Variants in THOC1 observed in about 807,000 individuals in gnomAD.
THOC1 encodes the protein THO complex subunit 1.
In THOC1, 29 loss-of-function variants were observed where a neutral mutation model predicts 97.3. That is an observed-to-expected ratio of 0.30 (90% CI 0.22 to 0.41). The LOEUF (loss-of-function observed/expected upper bound fraction) is 0.41. Ranked by LOEUF, THOC1 falls within the 10% of genes least tolerant of loss-of-function variation. The pLI, the probability that THOC1 is intolerant of heterozygous loss-of-function variation, is 1.00. For missense variants in THOC1, 529 were observed against 761.9 expected (o/e 0.69, Z 3.60); for synonymous variants, 255 against 257.0 (o/e 0.99, Z 0.07).
intron 17 of THOC1, among the ~76,000 whole-genome samples, chr18:219,868 G>T (rs764028069): frequency 5.3e-5 from 8 of 151,958 alleles, no homozygotes; most frequent in Non-Finnish European, 1.2e-4. Context: ...CGATTTCAAG[G>T]GTTTAACCTT....
At position 216,653 on chromosome 18, in the gene THOC1, G is replaced by T; in HGVS notation, c.1455-20C>A. 6.2e-7 allele frequency: 1 copy of T among 1,604,038 alleles called. No homozygotes were observed. The highest frequency in any genetic ancestry group is 8.5e-7 in the Non-Finnish European group (1 of 1,175,168). On this transcript the variant is annotated intron_variant, in intron 18 of 20. Coordinates refer to ENST00000261600, the MANE Select transcript of THOC1 (RefSeq NM_005131.3). ...ACAGCCCTATAAAAAGAGGTGTCAGGCTTGTAATTTATAGCTTTGTATTTC... is the reference window on the plus strand; with the variant it reads ...ACAGCCCTATAAAAAGAGGTGTCAGTCTTGTAATTTATAGCTTTGTATTTC...
chr18:265,506 T>A lies in THOC1; in HGVS notation c.79A>T (p.Asn27Tyr), dbSNP rs1268872517. The change falls in exon 2 of 21, where the codon AAC becomes TAC. Residue 27 changes from asparagine (N) to tyrosine (Y), a missense_variant. Asn to Tyr is a moderately radical substitution (Grantham distance 143, BLOSUM62 -2). This residue lies in a region of THOC1 where 114 missense variants were observed against 97.4 expected (regional missense o/e 1.17). Transcript: ENST00000261600. ...CTTAACAATGGCTTGATGTTTTTGTTGTTCAAGGCCTCTCTGGTAGACTTC... is the reference window on the plus strand; with the variant it reads ...CTTAACAATGGCTTGATGTTTTTGTAGTTCAAGGCCTCTCTGGTAGACTTC... ...FTKSTREALN[N>Y]KNIKPLLSTF... 6.3e-7 allele frequency: 1 copy of A among 1,594,370 alleles called. No homozygotes were observed. Among genetic ancestry groups the A allele is most frequent in the Non-Finnish European group, 8.5e-7 (1 of 1,170,210 alleles).
At position 214,589 on chromosome 18, in the gene THOC1, TC is replaced by T. The variant is rs1187312705; in HGVS notation, c.*36del. The stretch of plus-strand genomic sequence containing the variant: ...TATCAAATGCTGCTTGGTAACAAAA[TC>T]TATCACAGTTTTAATAAAAAGAAAA... On this transcript the variant is annotated 3_prime_UTR_variant, in exon 21 of 21. Coordinates refer to ENST00000261600, the MANE Select transcript of THOC1 (RefSeq NM_005131.3). The T allele has an allele frequency of 1.3e-6, 2 of 1,539,030 alleles. No individual in the cohort carries two copies. Among genetic ancestry groups the T allele is most frequent in the Admixed American group, 1.9e-5 (1 of 52,256 alleles).
chr18:246,599 T>C (rs1314658845), intron 10 of THOC1, 144 bp from the exon 11 acceptor site: 4 of 639,446 alleles, frequency 6.3e-6, no homozygotes, highest in Middle Eastern at 2.6e-4. Flanking sequence ...ATACAAATTA[T>C]GATAGCAGAA....
chr18:265,384 C>A (rs752169171), intron 2 of THOC1, 21 bp from the exon 3 acceptor site: 4 of 1,599,058 alleles, frequency 2.5e-6, no homozygotes, highest in African/African-American at 2.7e-5. Context: ...CAAAAGACAT[C>A]CTCATTTTTC....
chr18:223,541 TG>T, intron 16 of THOC1, 36 bp from the exon 17 acceptor site: 3 of 1,493,850 alleles, frequency 2.0e-6, no homozygotes, highest in Non-Finnish European at 1.8e-6. Flanking sequence ...ACATTTTTTA[TG>T]GACACCATCC....
chr18:239,891 C>T (rs1355987232), intron 11 of THOC1, among the ~76,000 whole-genome samples: 1 of 152,054 alleles, frequency 6.6e-6, no homozygotes, highest in African/African-American at 2.4e-5. Context: ...CCATTTATAA[C>T]CAGGTAATAA....
Position 214,623 on chromosome 18 carries a change from A to C in THOC1, c.*3T>G. ...GTTTTAATAAAAAGAAAAAAAAAAG[A>C]AGCTAACTATTTGTCTCATTGTCAT... On this transcript the variant is annotated 3_prime_UTR_variant, in exon 21 of 21. Coordinates refer to ENST00000261600, the MANE Select transcript of THOC1 (RefSeq NM_005131.3). 1.9e-6 allele frequency: 3 copies of C among 1,585,878 alleles called. No individual in the cohort carries two copies. The highest frequency in any genetic ancestry group is 2.2e-5 in the East Asian group (1 of 44,598).
rs1169819199 is a variant in THOC1 at position 214,601 on chromosome 18, T to C, written c.*25A>G. 1.9e-6 allele frequency: 3 copies of C among 1,575,306 alleles called. No homozygotes were observed. The highest frequency in any genetic ancestry group is 2.6e-6 in the Non-Finnish European group (3 of 1,159,886). On this transcript the variant is annotated 3_prime_UTR_variant, in exon 21 of 21. Transcript: ENST00000261600. ...CTTGGTAACAAAATCTATCACAGTTTTAATAAAAAGAAAAAAAAAAGAAGC... is the reference window on the plus strand; with the variant it reads ...CTTGGTAACAAAATCTATCACAGTTCTAATAAAAAGAAAAAAAAAAGAAGC...
intron 11 of THOC1, among the ~76,000 whole-genome samples, chr18:233,934 G>T (rs1006528773): frequency 6.6e-6 from 1 of 152,132 alleles, no homozygotes; most frequent in African/African-American, 2.4e-5. Flanking sequence ...AACCCATTTG[G>T]ATACTGATTC....
rs543415864 is a variant in THOC1, at chr18:222,211, C to G, written c.1370+1229G>C. Among the ~76,000 whole-genome samples the G allele has an allele frequency of 1.7e-4, 26 of 151,948 alleles. No individual in the cohort carries two copies. The South Asian group carries it at 5.4e-3, about 32-fold the overall frequency. ...TACATGTCACTTTTATCAAGTTTAC[C>G]TTTTAAAATAACCCTAAATAATAAT... On this transcript the variant is annotated intron_variant, in intron 17 of 20. Transcript: ENST00000261600.
chr18:238,163 G>A (rs1413509932), intron 11 of THOC1, among the ~76,000 whole-genome samples: 1 of 152,092 alleles, frequency 6.6e-6, no homozygotes, highest in Admixed American at 6.5e-5. Context: ...ACTGCACCCA[G>A]CTCTACTTTC....
intron 9 of THOC1, among the ~76,000 whole-genome samples, chr18:251,795 G>A (rs540956923): frequency 1.3e-5 from 2 of 152,300 alleles, no homozygotes; most frequent in African/African-American, 2.4e-5. Flanking sequence ...CCCGCCCTGC[G>A]CTCTGAGCTG....
At chr18:256,320 T>C (rs1912434239) in intron 7 of THOC1, among the ~76,000 whole-genome samples, 1 of 152,222 alleles carries the variant, frequency 6.6e-6, no homozygotes, top group Non-Finnish European at 1.5e-5. Flanking sequence ...AATATTCACA[T>C]TAACAGGAGT....
chr18:253,292 C>T (rs1912338044), intron 8 of THOC1, among the ~76,000 whole-genome samples: 2 of 152,204 alleles, frequency 1.3e-5, no homozygotes, highest in South Asian at 4.1e-4. Flanking sequence ...AAAAAGACAT[C>T]TGCATAATTG....
At chr18:241,021 C>T (rs1185364745) in intron 11 of THOC1, among the ~76,000 whole-genome samples, 2 of 152,072 alleles carry the variant, frequency 1.3e-5, no homozygotes, top group Non-Finnish European at 2.9e-5. Context: ...TGATAGGAGA[C>T]GGAGCTCAGG....
intron 9 of THOC1, among the ~76,000 whole-genome samples, chr18:249,940 C>T (rs567941461): frequency 3.9e-5 from 6 of 152,270 alleles, no homozygotes; most frequent in Admixed American, 3.3e-4. Flanking sequence ...GGGGCTACCT[C>T]TAACAGAGAA....
At position 223,625 on chromosome 18, in the gene THOC1, T is replaced by A; in HGVS notation, c.1305-120A>T. On this transcript the variant is annotated intron_variant, in intron 16 of 20. Transcript: ENST00000261600. ...GATTTGGGGATGTTGACAGTATGAG[T>A]TTTACTTTTCTCAATAATTTTTGGT... 3 of 741,550 alleles carry A rather than the reference T, an allele frequency of 4.0e-6. No homozygotes were observed. The South Asian group carries it at 6.6e-5, about 16-fold the overall frequency. The allele number at this position is 741,550 out of a possible 1,614,324, so 45.9% of individuals were successfully genotyped here. A position where few individuals can be genotyped will look rare whatever the true frequency, so the allele number is the denominator to read the frequency against.
At chr18:238,965 TAA>T (rs1911804018) in intron 11 of THOC1, among the ~76,000 whole-genome samples, 1 of 152,234 alleles carries the variant, frequency 6.6e-6, no homozygotes. Flanking sequence ...AGAATTTTAA[TAA>T]ACATAAGACT....
Sources: allele counts gnomAD v4.1 joint callset (sites outside exome capture counted in the v4.1 genomes callset), GRCh38; gene constraint gnomAD v4.1.1; regional missense constraint gnomAD v4.1.1; transcripts MANE v1.5; gene names NCBI Gene and HGNC (gene_info 2026-07-23, HGNC 2026-07-21).